NLGN1: variants seen among roughly 807,000 people sequenced by gnomAD.
NLGN1 encodes the protein neuroligin-1.
A neutral mutation model predicts 65.5 loss-of-function variants in NLGN1; 12 were observed. That is an observed-to-expected ratio of 0.18 (90% CI 0.12 to 0.30). The LOEUF (loss-of-function observed/expected upper bound fraction) is 0.30. Among genes scored for constraint, NLGN1 ranks in the 10% least tolerant of loss-of-function variants. The pLI is 1.00. For synonymous variants in NLGN1, 350 were observed against 359.5 expected, an observed-to-expected ratio of 0.97 and a Z score of 0.30; for missense variants, 750 against 1,007.1, an observed-to-expected ratio of 0.74 and a Z score of 3.46.
chr3:173,956,790 A>G (rs1312667926), intron 4 of NLGN1, among the ~76,000 whole-genome samples: 1 of 152,228 alleles, frequency 6.6e-6, no homozygotes, highest in Admixed American at 6.5e-5. Flanking sequence ...GATAAATAGC[A>G]TTAAATATAA....
At chr3:174,113,695 A>C (rs932945693) in intron 4 of NLGN1, among the ~76,000 whole-genome samples, 1 of 152,166 alleles carries the variant, frequency 6.6e-6, no homozygotes, top group Non-Finnish European at 1.5e-5. Context: ...TATCTATGTC[A>C]TAGGCATGTT....
At chr3:173,580,535 T>A (rs1303314498) in intron 2 of NLGN1, among the ~76,000 whole-genome samples, 1 of 152,062 alleles carries the variant, frequency 6.6e-6, no homozygotes, top group East Asian at 1.9e-4. Flanking sequence ...TTGTTTGATC[T>A]ATTAAGTCAG....
intron 4 of NLGN1, among the ~76,000 whole-genome samples, chr3:174,139,541 C>T (rs1237096843): frequency 6.6e-6 from 1 of 151,906 alleles, no homozygotes; most frequent in African/African-American, 2.4e-5. Flanking sequence ...TGCTTACTTC[C>T]AAGTTTTGGC....
intron 4 of NLGN1, among the ~76,000 whole-genome samples, chr3:174,069,047 C>T (rs1739273645): frequency 6.6e-6 from 1 of 152,006 alleles, no homozygotes; most frequent in South Asian, 2.1e-4. Context: ...AGGAGGATAA[C>T]AGAGTTTCAA....
chr3:174,103,195 G>A (rs758848725), intron 4 of NLGN1, among the ~76,000 whole-genome samples: 3 of 152,076 alleles, frequency 2.0e-5, no homozygotes, highest in South Asian at 2.1e-4. Flanking sequence ...TAGAAGTTCC[G>A]TGTGTCACAT....
In NLGN1 at chr3:174,280,989, A is replaced by G. The variant is rs1244060505; in HGVS notation, c.2158A>G (p.Asn720Asp). 1 of 1,613,252 alleles carries G rather than the reference A, an allele frequency of 6.2e-7. No homozygotes were observed. The highest frequency in any genetic ancestry group is 1.3e-5 in the African/African-American group (1 of 74,832). Reference sequence around the variant, plus strand: ...ATGCAGCCCTCAGCGCACTACTACCAATGATCTAACCCATGCACAAGAAGA... The same window carrying G: ...ATGCAGCCCTCAGCGCACTACTACCGATGATCTAACCCATGCACAAGAAGA... The change falls in exon 7 of 7, where the codon AAT (asparagine) becomes GAT (aspartate). Residue 720 changes from asparagine to aspartate, a missense_variant. By Grantham distance (23) the Asn-to-Asp change is conservative (BLOSUM62 1). Coordinates refer to ENST00000457714, the Ensembl canonical transcript of NLGN1. This position sits in a 1 kb window ranked among gnomAD's most constrained non-coding sequence, Gnocchi z 4.9.
intron 3 of NLGN1, chr3:173,800,355 AT>A (rs1238520259): frequency 2.1e-4 from 252 of 1,176,372 alleles, no homozygotes; most frequent in South Asian, 6.0e-4. Context: ...AGATGAAGGT[AT>A]TTTTTTTCAC....
chr3:173,486,744 G>T (rs1728232187), intron 2 of NLGN1, among the ~76,000 whole-genome samples: 1 of 152,104 alleles, frequency 6.6e-6, no homozygotes, highest in Non-Finnish European at 1.5e-5. Flanking sequence ...TGCTCAAGGT[G>T]CAAACCTGAA....
At chr3:173,630,710 AC>A (rs1419895770) in intron 3 of NLGN1, among the ~76,000 whole-genome samples, 1 of 152,138 alleles carries the variant, frequency 6.6e-6, no homozygotes, top group East Asian at 1.9e-4. Context: ...CTTACTAGGT[AC>A]CAGTATTCTT....
chr3:173,635,191 C>T (rs1475563456), intron 3 of NLGN1, among the ~76,000 whole-genome samples: 2 of 152,164 alleles, frequency 1.3e-5, no homozygotes, highest in East Asian at 1.9e-4. Context: ...TTCTTATATA[C>T]ACATCATCTA....
chr3:174,022,643 C>T (rs569093942), intron 4 of NLGN1, among the ~76,000 whole-genome samples: 3 of 152,142 alleles, frequency 2.0e-5, no homozygotes, highest in Non-Finnish European at 4.4e-5. Context: ...CAAATCAAAA[C>T]CATCTCACAC....
intron 4 of NLGN1, among the ~76,000 whole-genome samples, chr3:174,245,858 G>T (rs1030879441): frequency 6.6e-6 from 1 of 152,048 alleles, no homozygotes; most frequent in Non-Finnish European, 1.5e-5. Flanking sequence ...TAGATGGAAA[G>T]GTTACCTAAT....
At chr3:173,523,555 A>T (rs571916864) in intron 2 of NLGN1, among the ~76,000 whole-genome samples, 1 of 151,638 alleles carries the variant, frequency 6.6e-6, no homozygotes, top group African/African-American at 2.4e-5. Flanking sequence ...GTCAAAGATT[A>T]GTGGGTTATA....
chr3:173,556,663 C>G (rs1159917326), intron 2 of NLGN1, among the ~76,000 whole-genome samples: 1 of 151,778 alleles, frequency 6.6e-6, no homozygotes, highest in African/African-American at 2.4e-5. Flanking sequence ...ACAATTAGTC[C>G]AGCCTGGTGC....
intron 2 of NLGN1, among the ~76,000 whole-genome samples, chr3:173,568,266 C>T (rs1319187779): frequency 6.7e-6 from 1 of 148,510 alleles, no homozygotes. Flanking sequence ...TTTTTCTTGA[C>T]GGAGTCTTAC....
chr3:173,864,718 A>G (rs558255905), intron 4 of NLGN1, among the ~76,000 whole-genome samples: 45 of 152,306 alleles, frequency 3.0e-4, no homozygotes, highest in African/African-American at 1.0e-3. Context: ...CTGTAATTCA[A>G]TGTTTCTAGT....
chr3:173,469,313 A>G (rs997888048), intron 2 of NLGN1, among the ~76,000 whole-genome samples: 2 of 152,060 alleles, frequency 1.3e-5, no homozygotes, highest in Admixed American at 1.3e-4. Context: ...ATTTCCAACT[A>G]GGCTTTCACC....
At chr3:174,293,336 TG>T in the NLGN1 span, among the ~76,000 whole-genome samples, 1 of 151,512 alleles carries the variant, frequency 6.6e-6, no homozygotes, top group South Asian at 2.1e-4. Context: ...TTTCTGTACC[TG>T]GATTATATTT....
At position 174,244,700 on chromosome 3, in the gene NLGN1, T is replaced by C. The variant is rs187103713; in HGVS notation, c.647-30615T>C. Among the ~76,000 whole-genome samples, 4 of 152,280 alleles carry C rather than the reference T, an allele frequency of 2.6e-5. No homozygotes were observed. The East Asian group carries it at 7.7e-4, about 29-fold the overall frequency. ...ATGTGTAAAATAGGTATATTGAGTC[T>C]TTTAAAAGGCAAATTTAAAGTGTTG... On this transcript the variant is annotated intron_variant, in intron 4 of 6. Coordinates refer to ENST00000457714, the Ensembl canonical transcript of NLGN1.
Sources: allele counts gnomAD v4.1 joint callset (sites outside exome capture counted in the v4.1 genomes callset), GRCh38; gene constraint gnomAD v4.1.1; non-coding constraint Gnocchi (gnomAD v3.1); transcripts MANE v1.5; gene names NCBI Gene and HGNC (gene_info 2026-07-23, HGNC 2026-07-21).